The following CSMD1 variants were observed in gnomAD, a reference collection of about 807,000 sequenced individuals.
CSMD1 encodes the protein CUB and Sushi multiple domains 1.
Under a neutral mutation model 417.5 loss-of-function variants are expected in CSMD1, and 213 were observed. That is an observed-to-expected ratio of 0.51 (90% CI 0.46 to 0.57). CSMD1 has a LOEUF of 0.57. Ranked by LOEUF, CSMD1 falls within the 20% of genes least tolerant of loss-of-function variation. The pLI, the probability that CSMD1 is intolerant of heterozygous loss-of-function variation, is 0.00. For missense variants in CSMD1, 6,923 were observed against 4,529.7 expected (o/e 1.53, Z -15.17); for synonymous variants, 2,862 against 1,736.8 (o/e 1.65, Z -16.11).
intron 1 of CSMD1, among the ~76,000 whole-genome samples, chr8:4,752,817 G>A (rs1045964982): frequency 6.6e-5 from 10 of 152,152 alleles, no homozygotes; most frequent in Admixed American, 6.5e-5. Flanking sequence ...GGAGAAAGAA[G>A]GATGGAGGCA....
At chr8:4,871,082 G>A (rs1396097517) in intron 1 of CSMD1, among the ~76,000 whole-genome samples, 1 of 152,140 alleles carries the variant, frequency 6.6e-6, no homozygotes, top group Non-Finnish European at 1.5e-5. Context: ...AACAGCTCTG[G>A]CCTGGGCCAT....
chr8:4,624,218 G>A (rs1014618875), intron 2 of CSMD1, among the ~76,000 whole-genome samples: 1 of 152,182 alleles, frequency 6.6e-6, no homozygotes, highest in East Asian at 1.9e-4. Context: ...TTTGTCTAAA[G>A]CCCCTGATAA....
rs1554476819 is a variant in CSMD1 at position 3,893,362 on chromosome 8, T to TATATATATATATATATATATATATATA, written c.818+104540_818+104541insTATATATATATATATATATATATATAT. ...TTTTATATATATATATATATATATATTATTTTTTTTCTTAGAGGGTCATCA... is the reference window on the plus strand; with the variant it reads ...TTTTATATATATATATATATATATATATATATATATATATATATATATATATATATTTTTTTTCTTAGAGGGTCATCA... On this transcript the variant is annotated intron_variant, in intron 5 of 69. Coordinates refer to ENST00000635120, the MANE Select transcript of CSMD1 (RefSeq NM_033225.6). Among the ~76,000 whole-genome samples the TATATATATATATATATATATATATATA allele has an allele frequency of 1.0e-3, 129 of 125,476 alleles. 1 individual carries two copies. Among genetic ancestry groups the TATATATATATATATATATATATATATA allele is most frequent in the South Asian group, 1.6e-3 (6 of 3,828 alleles). The allele number at this position is 125,476 out of a possible 152,430, so 82.3% of individuals were successfully genotyped here.
chr8:4,144,630 G>A lies in CSMD1; in HGVS notation c.416-112531C>T, dbSNP rs558364740. On this transcript the variant is annotated intron_variant, in intron 3 of 69. Transcript: ENST00000635120. ...AAGACAAGCTTGTTCTTGTTTGTCT[G>A]GAGCTTCTTTTTATCAGGAGATAAT... Among the ~76,000 whole-genome samples the A allele has an allele frequency of 7.9e-5, 12 of 151,030 alleles. No individual in the cohort carries two copies. In the East Asian group the frequency reaches 2.3e-3, roughly 29 times the overall value.
intron 36 of CSMD1, among the ~76,000 whole-genome samples, chr8:3,183,666 T>C (rs1585585605): frequency 1.3e-5 from 2 of 152,340 alleles, no homozygotes; most frequent in South Asian, 4.1e-4. Context: ...GAACGCCTAA[T>C]CTATCCATCC....
intron 3 of CSMD1, among the ~76,000 whole-genome samples, chr8:4,399,944 T>C (rs904961303): frequency 1.3e-5 from 2 of 152,206 alleles, no homozygotes; most frequent in Non-Finnish European, 2.9e-5. Context: ...AGACCTCATC[T>C]AGGGCTCTCT....
intron 5 of CSMD1, among the ~76,000 whole-genome samples, chr8:3,973,313 A>C (rs540081902): frequency 7.2e-5 from 11 of 152,286 alleles, no homozygotes; most frequent in African/African-American, 2.6e-4. Context: ...TTTGAATATC[A>C]GTTGAATGTC....
chr8:4,303,139 G>T (rs1255939098), intron 3 of CSMD1, among the ~76,000 whole-genome samples: 1 of 152,070 alleles, frequency 6.6e-6, no homozygotes, highest in Non-Finnish European at 1.5e-5. Flanking sequence ...TTTTCTCTAG[G>T]AACTAAAACT....
intron 3 of CSMD1, among the ~76,000 whole-genome samples, chr8:4,049,556 T>C (rs964569356): frequency 6.6e-6 from 1 of 152,102 alleles, no homozygotes; most frequent in Admixed American, 6.6e-5. Flanking sequence ...ACCTGACTTC[T>C]AGATTTTTAT....
chr8:4,144,843 G>T (rs1173795681), intron 3 of CSMD1, among the ~76,000 whole-genome samples: 1 of 150,772 alleles, frequency 6.6e-6, no homozygotes, highest in Non-Finnish European at 1.5e-5. Context: ...CACAATGCAG[G>T]GAACCAGGGG....
At chr8:4,386,348 A>G (rs1584994934) in intron 3 of CSMD1, among the ~76,000 whole-genome samples, 1 of 151,302 alleles carries the variant, frequency 6.6e-6, no homozygotes, top group African/African-American at 2.4e-5. Context: ...TATGACTTCC[A>G]TCCCACTCAA....
intron 1 of CSMD1, among the ~76,000 whole-genome samples, chr8:4,919,773 C>G (rs4875409): frequency 1.3e-5 from 2 of 152,136 alleles, no homozygotes; most frequent in African/African-American, 4.8e-5. Flanking sequence ...GATGGCTGCT[C>G]TTTTGTGATT....
intron 5 of CSMD1, among the ~76,000 whole-genome samples, chr8:3,897,757 T>G (rs1232424873): frequency 6.6e-6 from 1 of 152,132 alleles, no homozygotes; most frequent in Admixed American, 6.6e-5. Flanking sequence ...CATGAAACAT[T>G]CTGTGATATC....
At chr8:3,285,973 T>C (rs983789985) in intron 25 of CSMD1, among the ~76,000 whole-genome samples, 2 of 152,046 alleles carry the variant, frequency 1.3e-5, no homozygotes, top group Non-Finnish European at 2.9e-5. Context: ...CCTAATGCTA[T>C]CCCTCCCCAC....
chr8:4,324,071 C>G (rs976132216), intron 3 of CSMD1, among the ~76,000 whole-genome samples: 3 of 152,166 alleles, frequency 2.0e-5, no homozygotes, highest in Admixed American at 1.3e-4. Flanking sequence ...CGAGGCCAAG[C>G]TTAGATTTTA....
intron 3 of CSMD1, among the ~76,000 whole-genome samples, chr8:4,247,259 G>A (rs976709338): frequency 6.6e-6 from 1 of 152,156 alleles, no homozygotes; most frequent in Admixed American, 6.5e-5. Flanking sequence ...TGAGTACAAT[G>A]ACCAAAGACA....
intron 3 of CSMD1, among the ~76,000 whole-genome samples, chr8:4,106,205 G>A (rs1356829757): frequency 6.6e-6 from 1 of 152,160 alleles, no homozygotes; most frequent in African/African-American, 2.4e-5. Context: ...TCTATGAGAG[G>A]AATCCAGCAT....
At chr8:4,148,310 T>A (rs56283507) in intron 3 of CSMD1, among the ~76,000 whole-genome samples, 4 of 140,396 alleles carry the variant, frequency 2.8e-5, no homozygotes, top group South Asian at 4.4e-4. Context: ...TAGGTGGGAA[T>A]TGAACAATGA....
chr8:4,335,245 C>G (rs1467450882), intron 3 of CSMD1, among the ~76,000 whole-genome samples: 1 of 152,054 alleles, frequency 6.6e-6, no homozygotes, highest in African/African-American at 2.4e-5. Context: ...TTTGTGAACA[C>G]TTCACCCTTA....
Sources: gnomAD v4.1 joint callset for allele counts (sites outside exome capture counted in the v4.1 genomes callset) on GRCh38, gnomAD v4.1.1 for gene constraint, MANE v1.5 for transcripts, NCBI Gene and HGNC (gene_info 2026-07-23, HGNC 2026-07-21) for gene names.